The following SNED1 variants were observed in gnomAD, a reference collection of about 807,000 sequenced individuals.
The protein encoded by SNED1 is sushi, nidogen and EGF like domains 1.
SNED1 carries 81 observed loss-of-function variants against 166.7 expected under a neutral mutation model. The ratio of observed to expected loss-of-function variants is 0.49; its 90% CI spans 0.41 to 0.58. The LOEUF is 0.58. SNED1 is among the 20% of genes least tolerant of loss of function. The pLI is 0.00. For synonymous variants in SNED1, 762 were observed against 822.0 expected (o/e 0.93, Z 1.25); for missense variants, 1,604 against 2,000.2 (o/e 0.80, Z 3.78).
At chr2:241,089,413 CAG>C (rs1175813947) in intron 31 of SNED1, 2 of 1,550,220 alleles carry the variant, frequency 1.3e-6, no homozygotes, top group South Asian at 1.2e-5. Context: ...TAAAAACAAA[CAG>C]AAGCAAAACA....
intron 8 of SNED1, among the ~76,000 whole-genome samples, chr2:241,043,895 T>C (rs1351091413): frequency 1.3e-5 from 2 of 152,200 alleles, no homozygotes; most frequent in African/African-American, 2.4e-5. Context: ...CAAGATTTGG[T>C]CTGTGGGTTA....
intron 31 of SNED1, among the ~76,000 whole-genome samples, chr2:241,090,936 T>C (rs2063929631): frequency 6.6e-6 from 1 of 152,092 alleles, no homozygotes; most frequent in South Asian, 2.1e-4. Context: ...TGTAATCTCA[T>C]GGGACCACTG....
intron 16 of SNED1, among the ~76,000 whole-genome samples, chr2:241,060,621 G>T (rs991176588): frequency 2.0e-5 from 3 of 149,950 alleles, no homozygotes; most frequent in Non-Finnish European, 2.9e-5. Context: ...AATCCAGGTG[G>T]ATTAAAGACC....
chr2:241,021,083 A>T (rs972650764), intron 1 of SNED1, among the ~76,000 whole-genome samples: 4 of 152,116 alleles, frequency 2.6e-5, no homozygotes, highest in African/African-American at 9.7e-5. Flanking sequence ...AACACCTCTG[A>T]GGGGTTTAGT....
At chr2:241,049,557 C>T (rs1224636445) in intron 11 of SNED1, among the ~76,000 whole-genome samples, 1 of 152,120 alleles carries the variant, frequency 6.6e-6, no homozygotes, top group Non-Finnish European at 1.5e-5. Context: ...GACAGGAAGG[C>T]GTTTCTGTAT....
At chr2:241,023,833 A>G (rs555969719) in intron 1 of SNED1, among the ~76,000 whole-genome samples, 1 of 145,508 alleles carries the variant, frequency 6.9e-6, no homozygotes, top group African/African-American at 2.6e-5. Context: ...TTTGGATAGT[A>G]TATCTTTAAA....
chr2:241,008,024 G>T (rs957433238), intron 1 of SNED1, among the ~76,000 whole-genome samples: 1 of 152,254 alleles, frequency 6.6e-6, no homozygotes, highest in African/African-American at 2.4e-5. Flanking sequence ...AAGGGCATTC[G>T]CAGTTACACC....
At chr2:241,016,114 G>T (rs1421941380) in intron 1 of SNED1, 1 of 151,506 alleles carries the variant, frequency 6.6e-6, no homozygotes, top group Non-Finnish European at 1.5e-5. Flanking sequence ...TAATTTAATG[G>T]CAAATTAAAT....
chr2:241,058,843 A>G (rs1455443701), intron 16 of SNED1, among the ~76,000 whole-genome samples: 3 of 152,028 alleles, frequency 2.0e-5, no homozygotes, highest in African/African-American at 7.2e-5. Flanking sequence ...CCAGCTACTC[A>G]GGAGGCTGAG....
At chr2:241,058,592 G>A (rs983250589) in intron 16 of SNED1, among the ~76,000 whole-genome samples, 2 of 152,188 alleles carry the variant, frequency 1.3e-5, no homozygotes, top group African/African-American at 4.8e-5. Flanking sequence ...ATTAGAAAAT[G>A]TAATTATAAA....
intron 26 of SNED1, chr2:241,072,471 C>T: frequency 2.9e-6 from 1 of 349,832 alleles, no homozygotes; most frequent in South Asian, 2.1e-5. Context: ...GAGGGGACCT[C>T]TCTGGCCCTT....
chr2:241,087,606 C>A, intron 30 of SNED1, 131 bp downstream of exon 30: 2 of 1,445,250 alleles, frequency 1.4e-6, no homozygotes, highest in Non-Finnish European at 1.8e-6. Context: ...AGATAGGCAG[C>A]CCCTGGGCAG....
chr2:241,071,385 G>A (rs534115845), intron 24 of SNED1, 191 bp from the exon 25 acceptor site: 20 of 633,128 alleles, frequency 3.2e-5, no homozygotes, highest in East Asian at 1.9e-4. Context: ...GGGATGCGGC[G>A]GGTGGGCTGG....
At chr2:241,028,238 T>C (rs1396234454) in intron 1 of SNED1, among the ~76,000 whole-genome samples, 1 of 152,238 alleles carries the variant, frequency 6.6e-6, no homozygotes, top group Non-Finnish European at 1.5e-5. Context: ...GTTTTCAGGC[T>C]GCCTTTTTAC....
chr2:241,089,083 A>G (rs1413945421), intron 31 of SNED1: 2 of 457,248 alleles, frequency 4.4e-6, no homozygotes, highest in African/African-American at 4.1e-5. Flanking sequence ...TCCCCACACA[A>G]ACTGCCGAAT....
At chr2:241,035,098 C>T (rs1199179085) in intron 4 of SNED1, among the ~76,000 whole-genome samples, 1 of 152,076 alleles carries the variant, frequency 6.6e-6, no homozygotes, top group Non-Finnish European at 1.5e-5. Flanking sequence ...GACACCTCTC[C>T]CTGGGACCAT....
rs896958652 is a variant in SNED1 at position 241,054,900 on chromosome 2, T to A, written c.2257+1574T>A. Reference sequence around the variant, plus strand: ...GGGAGGCCGAGGCAGGTGGATCACCTGAGGTCAGGAGTTCGAGACCAGCCT... The same window carrying A: ...GGGAGGCCGAGGCAGGTGGATCACCAGAGGTCAGGAGTTCGAGACCAGCCT... On this transcript the variant is annotated intron_variant, in intron 16 of 31. Coordinates refer to ENST00000310397, the MANE Select transcript of SNED1 (RefSeq NM_001080437.3). Among the ~76,000 whole-genome samples the A allele has an allele frequency of 1.2e-4, 18 of 152,280 alleles. No homozygotes were observed. The Middle Eastern group carries it at 0.014, about 115-fold the overall frequency.
intron 6 of SNED1, among the ~76,000 whole-genome samples, chr2:241,038,069 A>AC (rs763567238): frequency 0.099 from 14,371 of 145,638 alleles, 734 homozygotes; most frequent in East Asian, 0.15. Flanking sequence ...AGAAAGGTGG[A>AC]CCCCCCCCCA....
At chr2:241,029,029 A>G (rs1167131904) in intron 1 of SNED1, among the ~76,000 whole-genome samples, 1 of 152,206 alleles carries the variant, frequency 6.6e-6, no homozygotes, top group African/African-American at 2.4e-5. Context: ...GGGTGCTGCC[A>G]GTCTGGGACC....
Sources: allele counts gnomAD v4.1 joint callset (sites outside exome capture counted in the v4.1 genomes callset), GRCh38; gene constraint gnomAD v4.1.1; transcripts MANE v1.5; gene names NCBI Gene and HGNC (gene_info 2026-07-23, HGNC 2026-07-21).